SLC19A1: variants seen among roughly 807,000 people sequenced by gnomAD.
SLC19A1 encodes the protein solute carrier family 19 member 1.
SLC19A1 carries 37 observed loss-of-function variants against 35.3 expected under a neutral mutation model. The ratio of observed to expected loss-of-function variants is 1.05; its 90% CI spans 0.81 to 1.38. The LOEUF (loss-of-function observed/expected upper bound fraction) is 1.38, where lower values mean the gene tolerates loss of function less well. Ranked by LOEUF, SLC19A1 falls within the 40% of genes most tolerant of loss-of-function variation. The pLI is 0.00. For missense variants in SLC19A1, 831 were observed against 826.9 expected (o/e 1.00, Z -0.06); for synonymous variants, 460 against 398.5 (o/e 1.15, Z -1.84).
chr21:45,558,432 C>G (rs1383609848), intron 1 of SLC19A1, among the ~76,000 whole-genome samples: 1 of 152,232 alleles, frequency 6.6e-6, no homozygotes, highest in Non-Finnish European at 1.5e-5. Flanking sequence ...CCCCTGAGAA[C>G]CCGGGAAGGC....
intron 5 of SLC19A1, 90 bp downstream of exon 5, chr21:45,525,727 G>A (rs2077587783): frequency 6.8e-7 from 1 of 1,459,970 alleles, no homozygotes; most frequent in Non-Finnish European, 9.4e-7. Context: ...GCCCACAGTG[G>A]GCTCCACATC....
intron 1 of SLC19A1, among the ~76,000 whole-genome samples, chr21:45,549,517 C>T (rs1028499187): frequency 3.3e-5 from 5 of 150,070 alleles, no homozygotes; most frequent in Non-Finnish European, 5.9e-5. Flanking sequence ...GGAAGCAAGT[C>T]GAATGCTCCA....
At chr21:45,508,723 T>C (rs1279786556), downstream of SLC19A1, among the ~76,000 whole-genome samples, 3 of 152,124 alleles carry the variant, frequency 2.0e-5, no homozygotes, top group African/African-American at 7.2e-5. Context: ...ATTTGCTGAT[T>C]CATTCTTTCA....
chr21:45,539,923 C>A (rs1270714558), intron 1 of SLC19A1, among the ~76,000 whole-genome samples: 2 of 152,154 alleles, frequency 1.3e-5, no homozygotes, highest in East Asian at 3.9e-4. Flanking sequence ...GGACCAGCAC[C>A]CTCCATTGGA....
rs981094588 is a variant in SLC19A1 at position 45,530,357 on chromosome 21, C to T, written c.1151+413G>A. 6.2e-5 allele frequency among the ~76,000 whole-genome samples: 8 copies of T among 129,726 alleles called. No homozygotes were observed. The highest frequency in any genetic ancestry group is 2.3e-4 in the African/African-American group (8 of 34,770). 85.1% of individuals were successfully genotyped at this position (129,726 alleles called of 152,430 possible). A position where few individuals can be genotyped will look rare whatever the true frequency, so the allele number is the denominator to read the frequency against. ...TCCATCTGTGCGCATGTGGTGTGTT[C>T]ATGAGTGTGTGTGTGTCCATGTGTG... On this transcript the variant is annotated intron_variant, in intron 4 of 5. Coordinates refer to ENST00000311124, the MANE Select transcript of SLC19A1 (RefSeq NM_194255.4). The surrounding 1 kb of genome is among the most constrained non-coding windows in gnomAD (Gnocchi z 5.3).
chr21:45,560,854 C>T (rs760954208), intron 1 of SLC19A1, among the ~76,000 whole-genome samples: 3 of 152,240 alleles, frequency 2.0e-5, no homozygotes, highest in Non-Finnish European at 4.4e-5. Flanking sequence ...GCGCTGTCCT[C>T]TGAGCTGGCC....
At chr21:45,537,292 C>T (rs565536035) in intron 2 of SLC19A1, among the ~76,000 whole-genome samples, 25 of 152,244 alleles carry the variant, frequency 1.6e-4, no homozygotes, top group Admixed American at 1.4e-3. Context: ...AGACCCCAGC[C>T]GGGTTCCCTC....
At chr21:45,543,088 G>A (rs1342122837), upstream of SLC19A1, among the ~76,000 whole-genome samples, 1 of 152,146 alleles carries the variant, frequency 6.6e-6, no homozygotes, top group Non-Finnish European at 1.5e-5. Flanking sequence ...GATCCAGGAC[G>A]TGGCCCGGGG....
upstream of SLC19A1, among the ~76,000 whole-genome samples, chr21:45,546,166 A>G (rs1217369858): frequency 6.6e-6 from 1 of 152,222 alleles, no homozygotes; most frequent in East Asian, 1.9e-4. Context: ...ATCCTCTCAG[A>G]GGCTGAGCCG....
rs959961702 is a variant in SLC19A1 at position 45,534,891 on chromosome 21, C to A, written c.190-2743G>T. Among the ~76,000 whole-genome samples, 1 of 152,284 alleles carries A rather than the reference C, an allele frequency of 6.6e-6. No individual in the cohort carries two copies. The highest frequency in any genetic ancestry group is 2.4e-5 in the African/African-American group (1 of 41,482). The stretch of plus-strand genomic sequence containing the variant: ...ACAGCCTCCTGCTGCCTGAGCCCAG[C>A]GTCGGCCCTGCTCTCCACAGGTCTT... On this transcript the variant is annotated intron_variant, in intron 2 of 5. Transcript: ENST00000311124. This position sits in a 1 kb window ranked among gnomAD's most constrained non-coding sequence, Gnocchi z 4.2.
At chr21:45,543,492 G>T (rs150264827), upstream of SLC19A1, among the ~76,000 whole-genome samples, 1 of 152,210 alleles carries the variant, frequency 6.6e-6, no homozygotes, top group Admixed American at 6.5e-5. Context: ...TACCCCTTCC[G>T]GAGTGTAGAC....
intron 5 of SLC19A1, among the ~76,000 whole-genome samples, chr21:45,516,556 C>A (rs1342939384): frequency 6.6e-6 from 1 of 152,232 alleles, no homozygotes; most frequent in Non-Finnish European, 1.5e-5. Flanking sequence ...TGACCAGGAG[C>A]TGATCCCCAG....
intron 5 of SLC19A1, among the ~76,000 whole-genome samples, chr21:45,516,819 G>A (rs1040535902): frequency 1.3e-5 from 2 of 152,188 alleles, no homozygotes; most frequent in African/African-American, 4.8e-5. Flanking sequence ...GCAGAGCCCA[G>A]TGAGTCCCGC....
chr21:45,537,669 T>C (rs1405962435), intron 2 of SLC19A1, 102 bp downstream of exon 2: 1 of 889,808 alleles, frequency 1.1e-6, no homozygotes, highest in Non-Finnish European at 1.4e-6. Flanking sequence ...GCCCACCCAC[T>C]GGCGGCCGCC....
intron 1 of SLC19A1, among the ~76,000 whole-genome samples, chr21:45,554,973 GT>G (rs371037714): frequency 9.7e-4 from 146 of 151,114 alleles, no homozygotes; most frequent in African/African-American, 3.5e-3. Context: ...CTGGGTCGAT[GT>G]TTCCAGAACC....
chr21:45,512,575 T>A lies in SLC19A1; in HGVS notation c.*3083A>T, dbSNP rs1011481204. The A allele has an allele frequency of 6.7e-5, 44 of 658,778 alleles. No homozygotes were observed. The highest frequency in any genetic ancestry group is 9.1e-5 in the African/African-American group (5 of 54,876). The allele number at this position is 658,778 out of a possible 1,614,324, so 40.8% of individuals were successfully genotyped here. A position where few individuals can be genotyped will look rare whatever the true frequency, so the allele number is the denominator to read the frequency against. On this transcript the variant is annotated 3_prime_UTR_variant, in exon 6 of 6. Transcript: ENST00000311124. ...AAGGAAGCCAAAGAGTGTATTTTTT[T>A]AAAAGTTTAAAACAGAAGCCTGATG...
At chr21:45,558,047 T>G (rs973383405) in intron 1 of SLC19A1, among the ~76,000 whole-genome samples, 1 of 152,270 alleles carries the variant, frequency 6.6e-6, no homozygotes, top group African/African-American at 2.4e-5. Flanking sequence ...CAAGGCAGTC[T>G]GTGCCGAGTG....
chr21:45,515,906 C>T lies in SLC19A1; in HGVS notation c.1528G>A (p.Ala510Thr), dbSNP rs763939171. ...TGCTCCAGGGAGGCTGGCCCCACAG[C>T]CCCCAGGCTGTCTTCTGGGGAAAGC... ...PPLSPEDSLG[A>T]VGPASLEQRQ... The change falls in exon 6 of 6, where the codon GCT becomes ACT. Residue 510 changes from alanine (A) to threonine (T), a missense_variant. Coordinates refer to ENST00000311124, the MANE Select transcript of SLC19A1 (RefSeq NM_194255.4). 7 of 1,552,476 alleles carry T rather than the reference C, an allele frequency of 4.5e-6. No homozygotes were observed. The highest frequency in any genetic ancestry group is 2.3e-5 in the East Asian group (1 of 42,978).
At chr21:45,552,438 C>G (rs1185979933) in intron 1 of SLC19A1, among the ~76,000 whole-genome samples, 3 of 149,902 alleles carry the variant, frequency 2.0e-5, no homozygotes, top group Non-Finnish European at 3.0e-5. Flanking sequence ...GGGTCGGGGG[C>G]CCCAGGGAGA....
Sources: gnomAD v4.1 joint callset for allele counts (sites outside exome capture counted in the v4.1 genomes callset) on GRCh38, gnomAD v4.1.1 for gene constraint, Gnocchi (gnomAD v3.1) non-coding constraint, MANE v1.5 for transcripts, NCBI Gene and HGNC (gene_info 2026-07-23, HGNC 2026-07-21) for gene names.